Variants in TPST1 observed in about 807,000 individuals in gnomAD.
The protein encoded by TPST1 is tyrosylprotein sulfotransferase 1.
Under a neutral mutation model 34.8 loss-of-function variants are expected in TPST1, and 20 were observed. The observed-to-expected ratio is 0.57, with a 90% CI of 0.40 to 0.84. The LOEUF (loss-of-function observed/expected upper bound fraction) is 0.84. TPST1 is among the 40% of genes least tolerant of loss of function. The pLI is 0.00. For missense variants in TPST1, 353 were observed against 455.5 expected (o/e 0.78, Z 2.05); for synonymous variants, 152 against 159.4 (o/e 0.95, Z 0.35).
intron 2 of TPST1, among the ~76,000 whole-genome samples, chr7:66,255,861 T>C (rs1790373101): frequency 6.6e-6 from 1 of 152,162 alleles, no homozygotes; most frequent in East Asian, 1.9e-4. Flanking sequence ...AAAAACCAAC[T>C]AGATTTAAGT....
chr7:66,269,914 A>T (rs1353321901), intron 2 of TPST1, among the ~76,000 whole-genome samples: 2 of 152,138 alleles, frequency 1.3e-5, no homozygotes, highest in African/African-American at 4.8e-5. Context: ...CTACGGTCTC[A>T]TGGTGGGGGA....
chr7:66,329,562 G>A (rs1250940259), intron 3 of TPST1, among the ~76,000 whole-genome samples: 2 of 152,120 alleles, frequency 1.3e-5, no homozygotes, highest in African/African-American at 4.8e-5. Context: ...TTTTGTTTGT[G>A]AGGGCTATAT....
chr7:66,354,641 T>TA (rs1489825675), intron 4 of TPST1, among the ~76,000 whole-genome samples: 1 of 148,476 alleles, frequency 6.7e-6, no homozygotes, highest in Non-Finnish European at 1.5e-5. Flanking sequence ...CTTCACAACA[T>TA]ACCTAAAAAT....
At chr7:66,345,833 A>G (rs1288359655) in intron 3 of TPST1, among the ~76,000 whole-genome samples, 1 of 152,152 alleles carries the variant, frequency 6.6e-6, no homozygotes, top group African/African-American at 2.4e-5. Flanking sequence ...ATTACAAACC[A>G]TCTAGTTATA....
chr7:66,309,255 A>T (rs982790667), intron 3 of TPST1, among the ~76,000 whole-genome samples: 1 of 152,158 alleles, frequency 6.6e-6, no homozygotes, highest in African/African-American at 2.4e-5. Flanking sequence ...GCTTCATTTA[A>T]TGTAAGCCAC....
At chr7:66,258,297 T>C (rs1413442702) in intron 2 of TPST1, among the ~76,000 whole-genome samples, 1 of 152,194 alleles carries the variant, frequency 6.6e-6, no homozygotes, top group Non-Finnish European at 1.5e-5. Flanking sequence ...AATGCTGATT[T>C]TATTTTTGTT....
At position 66,225,034 on chromosome 7, in the gene TPST1, C is replaced by T. The variant is rs527972159; in HGVS notation, c.-101-15291C>T. ...CTGGGTTCAAGCGATTCTCAAGCCT[C>T]AGCCTCCTGAGTAGCAGGGATTACA... On this transcript the variant is annotated intron_variant, in intron 1 of 5. Coordinates refer to ENST00000304842, the MANE Select transcript of TPST1 (RefSeq NM_003596.4). Among the ~76,000 whole-genome samples the T allele has an allele frequency of 3.4e-5, 5 of 148,420 alleles. No individual in the cohort carries two copies. In the East Asian group the frequency reaches 6.2e-4, roughly 18 times the overall value.
At chr7:66,307,343 C>T (rs1265950050) in intron 3 of TPST1, among the ~76,000 whole-genome samples, 1 of 151,938 alleles carries the variant, frequency 6.6e-6, no homozygotes, top group African/African-American at 2.4e-5. Context: ...TGGTCTCGAT[C>T]TCTTGACTTC....
chr7:66,254,930 T>A (rs2901079), intron 2 of TPST1, among the ~76,000 whole-genome samples: 3 of 151,598 alleles, frequency 2.0e-5, no homozygotes, highest in Non-Finnish European at 2.9e-5. Context: ...GGTGGATCAC[T>A]AGGTCAGGAG....
In TPST1 at chr7:66,352,868, T is replaced by A. The variant is rs1792510053; in HGVS notation, c.1095+313T>A. Reference sequence around the variant, plus strand: ...CCCAGTGGGTAAAGCTGCTCCAGCGTTCCAGTGCCTAATTTGAAATAAAAA... The same window carrying A: ...CCCAGTGGGTAAAGCTGCTCCAGCGATCCAGTGCCTAATTTGAAATAAAAA... On this transcript the variant is annotated intron_variant, in intron 4 of 5. Transcript: ENST00000304842. 3 of 985,404 alleles carry A rather than the reference T, an allele frequency of 3.0e-6. No individual in the cohort carries two copies. The South Asian group carries it at 1.4e-4, about 46-fold the overall frequency. 61.0% of individuals were successfully genotyped at this position (985,404 alleles called of 1,614,324 possible). A position where few individuals can be genotyped will look rare whatever the true frequency, so the allele number is the denominator to read the frequency against.
intron 5 of TPST1, among the ~76,000 whole-genome samples, chr7:66,358,701 C>T (rs1480317251): frequency 6.6e-6 from 1 of 151,878 alleles, no homozygotes; most frequent in Non-Finnish European, 1.5e-5. Context: ...GGAGCAAATG[C>T]TGAATGTTAG....
chr7:66,269,151 G>A (rs1249381732), intron 2 of TPST1, among the ~76,000 whole-genome samples: 1 of 152,178 alleles, frequency 6.6e-6, no homozygotes, highest in Admixed American at 6.5e-5. Flanking sequence ...ATTTAAAAAG[G>A]AAGAGATGAT....
chr7:66,324,833 A>G (rs1791830962), intron 3 of TPST1, among the ~76,000 whole-genome samples: 1 of 148,828 alleles, frequency 6.7e-6, no homozygotes, highest in South Asian at 2.1e-4. Context: ...AAAAAAAACA[A>G]GACAAAACAC....
chr7:66,277,696 C>T (rs922041427), intron 2 of TPST1, among the ~76,000 whole-genome samples: 1 of 152,040 alleles, frequency 6.6e-6, no homozygotes, highest in African/African-American at 2.4e-5. Flanking sequence ...CCTCTCATTT[C>T]CAGTGCCTAG....
intron 1 of TPST1, among the ~76,000 whole-genome samples, chr7:66,231,502 C>T (rs1032012153): frequency 6.6e-6 from 1 of 152,238 alleles, no homozygotes; most frequent in Admixed American, 6.5e-5. Context: ...TGAGCCCTGC[C>T]CCGTGGGAAG....
chr7:66,221,322 G>A (rs1028322019), intron 1 of TPST1, among the ~76,000 whole-genome samples: 2 of 152,142 alleles, frequency 1.3e-5, no homozygotes, highest in Admixed American at 6.5e-5. Context: ...GGGAGATGAA[G>A]GAGGAAGAAT....
At chr7:66,346,285 A>G (rs910692855) in intron 3 of TPST1, among the ~76,000 whole-genome samples, 1 of 152,110 alleles carries the variant, frequency 6.6e-6, no homozygotes, top group Non-Finnish European at 1.5e-5. Context: ...GCTGCAGCAA[A>G]CGTGAGAATG....
chr7:66,262,205 G>A (rs763346097), intron 2 of TPST1, among the ~76,000 whole-genome samples: 8 of 152,168 alleles, frequency 5.3e-5, no homozygotes, highest in Admixed American at 4.6e-4. Flanking sequence ...TGAGGTTTGG[G>A]TGTCATATTC....
At chr7:66,248,760 G>A (rs1297503511) in intron 2 of TPST1, among the ~76,000 whole-genome samples, 1 of 152,104 alleles carries the variant, frequency 6.6e-6, no homozygotes, top group Non-Finnish European at 1.5e-5. Flanking sequence ...TGATCCGCCT[G>A]CCTCGGCCTC....
Sources: allele counts gnomAD v4.1 joint callset (sites outside exome capture counted in the v4.1 genomes callset), GRCh38; gene constraint gnomAD v4.1.1; transcripts MANE v1.5; gene names NCBI Gene and HGNC (gene_info 2026-07-23, HGNC 2026-07-21).